Variants in POPDC1 observed in about 807,000 individuals in gnomAD.
POPDC1 encodes popeye domain-containing protein 1.
the POPDC1 span, among the ~76,000 whole-genome samples, chr6:105,110,394 A>G: frequency 1.3e-5 from 2 of 152,176 alleles, no homozygotes; most frequent in African/African-American, 4.8e-5. Flanking sequence ...GCCTAATCAC[A>G]CATCTTTCTA....
At chr6:105,116,881 C>G in the POPDC1 span, 1 of 1,608,452 alleles carries the variant, frequency 6.2e-7, no homozygotes, top group Non-Finnish European at 8.5e-7. Flanking sequence ...GCCAAAGAAA[C>G]AAGCATGCAA....
the POPDC1 span, chr6:105,100,057 T>C: frequency 6.6e-6 from 1 of 152,184 alleles, no homozygotes. Context: ...AATGGCATAA[T>C]ACAAGGGTAA....
At chr6:105,124,263 T>A in the POPDC1 span, among the ~76,000 whole-genome samples, 1 of 151,390 alleles carries the variant, frequency 6.6e-6, no homozygotes, top group South Asian at 2.1e-4. Flanking sequence ...GCACCTGTAG[T>A]CCCAGCTACT....
chr6:105,110,391 C>T, the POPDC1 span, among the ~76,000 whole-genome samples: 3 of 152,206 alleles, frequency 2.0e-5, no homozygotes, highest in East Asian at 5.8e-4. Flanking sequence ...GCTGCCTAAT[C>T]ACACATCTTT....
chr6:105,123,852 T>C, the POPDC1 span, among the ~76,000 whole-genome samples: 386 of 152,354 alleles, frequency 2.5e-3, 1 homozygote, highest in African/African-American at 8.6e-3. Flanking sequence ...ATAAATTCCC[T>C]AAGGCAAAGC....
chr6:105,135,404 C>T, the POPDC1 span, among the ~76,000 whole-genome samples: 1 of 152,162 alleles, frequency 6.6e-6, no homozygotes, highest in African/African-American at 2.4e-5. Context: ...TTCTGCTCCT[C>T]GGGTCTGTTT....
At chr6:105,106,874 C>T in the POPDC1 span, among the ~76,000 whole-genome samples, 2 of 152,124 alleles carry the variant, frequency 1.3e-5, no homozygotes, top group East Asian at 1.9e-4. Context: ...TACTTTGATA[C>T]AGGAATGCAA....
chr6:105,105,847 G>A, the POPDC1 span, among the ~76,000 whole-genome samples: 1 of 152,206 alleles, frequency 6.6e-6, no homozygotes, highest in Admixed American at 6.5e-5. Flanking sequence ...CTTATCTTTA[G>A]TTAAGTGATT....
the POPDC1 span, chr6:105,099,751 C>CA: frequency 6.6e-6 from 1 of 152,336 alleles, no homozygotes; most frequent in Non-Finnish European, 1.5e-5. Context: ...GCAGCTCTGG[C>CA]ACTGGGGCAT....
At chr6:105,109,035 A>G in the POPDC1 span, among the ~76,000 whole-genome samples, 1 of 152,126 alleles carries the variant, frequency 6.6e-6, no homozygotes, top group African/African-American at 2.4e-5. Context: ...ATCTTGACTC[A>G]CTGCAACCTC....
chr6:105,107,612 T>C, the POPDC1 span, among the ~76,000 whole-genome samples: 3 of 152,236 alleles, frequency 2.0e-5, no homozygotes, highest in Non-Finnish European at 4.4e-5. Flanking sequence ...TAAGCTAATA[T>C]AAGGTGCTAA....
chr6:105,106,150 G>C, the POPDC1 span, among the ~76,000 whole-genome samples: 1 of 152,090 alleles, frequency 6.6e-6, no homozygotes. Context: ...TATTATAAAA[G>C]TATATAAACA....
chr6:105,097,495 G>A, the POPDC1 span: 4 of 152,318 alleles, frequency 2.6e-5, no homozygotes, highest in African/African-American at 4.8e-5. Flanking sequence ...TGCTTGGCTT[G>A]GAGCCACCAC....
At chr6:105,136,454 A>C in the POPDC1 span, 1 of 152,072 alleles carries the variant, frequency 6.6e-6, no homozygotes, top group Non-Finnish European at 1.5e-5. Context: ...GCCGTGGCCC[A>C]CCCTACTCTC....
the POPDC1 span, chr6:105,100,850 T>C: frequency 3.2e-6 from 1 of 312,844 alleles, no homozygotes; most frequent in African/African-American, 2.1e-5. Flanking sequence ...AATATATATC[T>C]CAAAAGAGAA....
At chr6:105,097,909 G>A in the POPDC1 span, 9 of 151,972 alleles carry the variant, frequency 5.9e-5, no homozygotes, top group East Asian at 3.8e-4. Context: ...GCATCACTGC[G>A]GATTTATATA....
the POPDC1 span, among the ~76,000 whole-genome samples, chr6:105,123,336 G>C: frequency 6.6e-6 from 1 of 152,272 alleles, no homozygotes; most frequent in African/African-American, 2.4e-5. Context: ...GAATAACATA[G>C]GAGGGCTGGA....
the POPDC1 span, among the ~76,000 whole-genome samples, chr6:105,119,587 G>C: frequency 6.6e-6 from 1 of 152,186 alleles, no homozygotes; most frequent in African/African-American, 2.4e-5. Context: ...GTGTCCTCAT[G>C]AGGGCCCAGC....
the POPDC1 span, chr6:105,133,417 A>G: frequency 6.2e-7 from 1 of 1,613,892 alleles, no homozygotes; most frequent in Non-Finnish European, 8.5e-7. Context: ...AACCAACCCA[A>G]CTGCAAAACA....
Sources: gnomAD v4.1 joint callset for allele counts (sites outside exome capture counted in the v4.1 genomes callset) on GRCh38, gnomAD v4.1.1 for gene constraint, MANE v1.5 for transcripts, NCBI Gene and HGNC (gene_info 2026-07-23, HGNC 2026-07-21) for gene names.